CDK10: variants seen among roughly 807,000 people sequenced by gnomAD.
CDK10 encodes the protein cyclin dependent kinase 10, also known as cyclin-dependent kinase 10.
In CDK10, 55 loss-of-function variants were observed where a neutral mutation model predicts 51.0. The observed-to-expected ratio is 1.08, with a 90% confidence interval of 0.87 to 1.35. The LOEUF (loss-of-function observed/expected upper bound fraction) is 1.35, where lower values mean the gene tolerates loss of function less well. CDK10 is among the 40% of genes most tolerant of loss of function. The pLI is 0.00. For missense variants in CDK10, 589 were observed against 485.1 expected (o/e 1.21, Z -2.01); for synonymous variants, 255 against 199.1 (o/e 1.28, Z -2.36).
At chr16:89,695,410 G>A in intron 12 of CDK10, 65 bp downstream of exon 12, 1 of 1,559,708 alleles carries the variant, frequency 6.4e-7, no homozygotes, top group Non-Finnish European at 8.8e-7. Context: ...TGCCCGGGGT[G>A]GGTGGTGGAG....
intron 1 of CDK10, chr16:89,687,847 T>G (rs258324): frequency 0.85 from 293,318 of 343,192 alleles, 126,014 homozygotes; most frequent in Middle Eastern, 0.9. Flanking sequence ...GGAAAGGGAG[T>G]TTGAGACTAG....
chr16:89,694,829 ACGCCCTCTGCGCCCG>A (rs747584849), intron 10 of CDK10, 41 bp downstream of exon 10: 4 of 1,180,194 alleles, frequency 3.4e-6, no homozygotes, highest in Non-Finnish European at 3.3e-6. Context: ...GCCCGTGCCC[ACGCCCTCTGCGCCCG>A]CAGCCCCCGC....
chr16:89,689,289 T>C lies in CDK10; in HGVS notation c.125T>C (p.Leu42Pro). The change falls in exon 2 of 13, where the codon CTG (leucine) becomes CCG (proline). Residue 42 changes from leucine to proline, a missense_variant. Coordinates refer to ENST00000353379, the MANE Select transcript of CDK10 (RefSeq NM_052988.5). ...CGGAGTGTGAAGGAGTTTGAGAAGC[T>C]GAACCGCATTGGAGAGGGTACCTAC... ...RCRSVKEFEK[L>P]NRIGEGTYGI... is the part of the protein sequence containing the mutation. 6.2e-7 allele frequency: 1 copy of C among 1,614,106 alleles called. No homozygotes were observed. Among genetic ancestry groups the C allele is most frequent in the Non-Finnish European group, 8.5e-7 (1 of 1,179,990 alleles).
intron 5 of CDK10, chr16:89,692,205 C>G: frequency 7.5e-6 from 4 of 530,900 alleles, no homozygotes; most frequent in Non-Finnish European, 6.6e-6. Flanking sequence ...GGGCGGAGAG[C>G]CTTCTGAGGG....
intron 5 of CDK10, chr16:89,692,232 T>A (rs924506416): frequency 1.9e-6 from 1 of 538,618 alleles, no homozygotes; most frequent in Non-Finnish European, 3.3e-6. Context: ...TTTTCTGGGC[T>A]GCTGGGAGAG....
At position 89,694,892 on chromosome 16, in the gene CDK10, TGCCCACGCCCTCTGCG is replaced by T. The variant is rs1567525391; in HGVS notation, c.793-38_793-23del. ...CCTCTGCGCCCGCAGCCCCCGCCCG[TGCCCACGCCCTCTGCG>T]CCTCAGCTCCTGCCTCCCATAGGGC... is the stretch of plus-strand genomic sequence containing the variant. On this transcript the variant is annotated intron_variant, in intron 10 of 12. Transcript: ENST00000353379. 10 of 1,334,376 alleles carry T rather than the reference TGCCCACGCCCTCTGCG, an allele frequency of 7.5e-6. No individual in the cohort carries two copies. In the African/African-American group the frequency reaches 1.6e-4, roughly 22 times the overall value. 82.7% of individuals were successfully genotyped at this position (1,334,376 alleles called of 1,614,324 possible).
chr16:89,691,976 T>C (rs1228209699), intron 5 of CDK10, 89 bp downstream of exon 5: 1 of 1,052,792 alleles, frequency 9.5e-7, no homozygotes. Context: ...CTTGGGGACT[T>C]GAAGAGCTGC....
rs1597875745 is a variant in CDK10 at position 89,694,939 on chromosome 16, C to T, written c.801C>T (p.Ser267=). ...GCTCCTGCCTCCCATAGGGCTTTTC[C>T]AAGCTGCCACTGGTCGGCCAGTACA... ...TPSENIWPGF[S]KLPLVGQYSL... is the part of the protein sequence containing the mutation. The change falls in exon 11 of 13, where the codon TCC becomes TCT. Residue 267 remains serine (S), a synonymous_variant. Transcript: ENST00000353379. The T allele has an allele frequency of 6.2e-7, 1 of 1,613,070 alleles. No homozygotes were observed.
chr16:89,692,299 C>T (rs897383051), intron 5 of CDK10, 150 bp from the exon 6 acceptor site: 59 of 553,884 alleles, frequency 1.1e-4, no homozygotes, highest in Admixed American at 2.5e-4. Flanking sequence ...CTGCTGGGAG[C>T]GTGCAGCCCC....
At chr16:89,689,413 T>C (rs1298870632) in intron 2 of CDK10, 89 bp downstream of exon 2, 2 of 1,114,362 alleles carry the variant, frequency 1.8e-6, no homozygotes, top group Non-Finnish European at 2.7e-6. Context: ...GCGTTGGGGC[T>C]GGAAGGGACT....
rs552018497 is a variant in CDK10, at chr16:89,695,098, A to G, written c.932+28A>G. Reference sequence around the variant, plus strand: ...GCTGATCTCTGCACGGGGGGCAGGGACCCTCACCACCCACACTGTCCAGAC... The same window carrying G: ...GCTGATCTCTGCACGGGGGGCAGGGGCCCTCACCACCCACACTGTCCAGAC... On this transcript the variant is annotated intron_variant, in intron 11 of 12. Coordinates refer to ENST00000353379, the MANE Select transcript of CDK10 (RefSeq NM_052988.5). 17 of 1,600,526 alleles carry G rather than the reference A, an allele frequency of 1.1e-5. No homozygotes were observed. In the African/African-American group the frequency reaches 1.7e-4, roughly 16 times the overall value.
chr16:89,692,135 C>T, intron 5 of CDK10: 1 of 572,786 alleles, frequency 1.7e-6, no homozygotes, highest in Non-Finnish European at 3.1e-6. Context: ...GCAGGCAGCC[C>T]CGGGGCTGAG....
chr16:89,690,192 C>T (rs1196707839), intron 2 of CDK10: 2 of 244,528 alleles, frequency 8.2e-6, no homozygotes, highest in Admixed American at 1.0e-4. Context: ...ATAAGGTTTG[C>T]TTTTTTCTGC....
intron 1 of CDK10, 136 bp from the exon 2 acceptor site, chr16:89,689,116 A>C: frequency 1.4e-6 from 1 of 729,212 alleles, no homozygotes; most frequent in South Asian, 1.7e-5. Flanking sequence ...AGAAAAAAAA[A>C]GCCCAAACGT....
At chr16:89,694,403 T>C (rs2060600221) in intron 9 of CDK10, 171 bp downstream of exon 9, 1 of 866,230 alleles carries the variant, frequency 1.2e-6, no homozygotes, top group African/African-American at 1.7e-5. Context: ...GGAGGAGGTG[T>C]GAGAACTTAG....
At chr16:89,690,377 G>A in intron 2 of CDK10, 176 bp from the exon 3 acceptor site, 1 of 627,722 alleles carries the variant, frequency 1.6e-6, no homozygotes, top group Non-Finnish European at 2.9e-6. Flanking sequence ...ACCCTCCGGG[G>A]GAACGCGTCT....
At chr16:89,691,653 GAA>G (rs2060455993) in intron 4 of CDK10, 108 bp downstream of exon 4, 1 of 1,227,554 alleles carries the variant, frequency 8.1e-7, no homozygotes, top group African/African-American at 1.5e-5. Flanking sequence ...GGTTGTCAGA[GAA>G]GAGATGACCC....
chr16:89,692,004 C>T, intron 5 of CDK10, 117 bp downstream of exon 5: 2 of 795,330 alleles, frequency 2.5e-6, no homozygotes, highest in Admixed American at 5.0e-5. Flanking sequence ...TCTGCCTCCA[C>T]CTCCCAGTGT....
intron 4 of CDK10, 31 bp from the exon 5 acceptor site, chr16:89,691,775 G>T (rs1351182025): frequency 1.2e-6 from 2 of 1,603,394 alleles, no homozygotes. Context: ...GAGAAGGCCG[G>T]AGAGTGGCAT....
Sources: allele counts gnomAD v4.1 joint callset, GRCh38; gene constraint gnomAD v4.1.1; transcripts MANE v1.5; gene names NCBI Gene and HGNC (gene_info 2026-07-23, HGNC 2026-07-21).